Variants in MICOS10 observed in about 807,000 individuals in gnomAD.
MICOS10 encodes MICOS complex subunit MIC10.
Under a neutral mutation model 13.4 loss-of-function variants are expected in MICOS10, and 5 were observed. The observed-to-expected ratio is 0.37, with a 90% CI of 0.20 to 0.78. The LOEUF (loss-of-function observed/expected upper bound fraction) is 0.78. Among genes scored for constraint, MICOS10 ranks in the 30% least tolerant of loss-of-function variants. The pLI is 0.47. For synonymous variants in MICOS10, 35 were observed against 33.6 expected (o/e 1.04, Z -0.15); for missense variants, 101 against 94.6 (o/e 1.07, Z -0.28).
At chr1:19,597,162 A>T in intron 1 of MICOS10, 53 bp downstream of exon 1, 1 of 1,549,904 alleles carries the variant, frequency 6.5e-7, no homozygotes, top group Non-Finnish European at 8.8e-7. Context: ...TGCTGGCTCC[A>T]GGCTGCGCTG....
chr1:19,607,410 G>A (rs2100264888), intron 1 of MICOS10, among the ~76,000 whole-genome samples: 1 of 152,188 alleles, frequency 6.6e-6, no homozygotes, highest in Middle Eastern at 3.4e-3. Flanking sequence ...TGCTTTCTTT[G>A]GCAAGTGCAT....
intron 2 of MICOS10, among the ~76,000 whole-genome samples, chr1:19,623,266 A>T (rs2094910788): frequency 6.6e-6 from 1 of 152,114 alleles, no homozygotes; most frequent in Non-Finnish European, 1.5e-5. Context: ...GCACTTAACA[A>T]GTATTTGCTA....
chr1:19,597,034 C>A lies in MICOS10; in HGVS notation c.-12C>A, dbSNP rs367837871. 25 of 1,578,406 alleles carry A rather than the reference C, an allele frequency of 1.6e-5. No individual in the cohort carries two copies. The highest frequency in any genetic ancestry group is 9.5e-5 in the Admixed American group (5 of 52,402). On this transcript the variant is annotated 5_prime_UTR_variant, in exon 1 of 4. Transcript: ENST00000322753. ...CCGGCCGAGAGGAAAGCTGGAGGCG[C>A]GGGTGGGGAACATGTCTGAGTCGGA...
intron 1 of MICOS10, 131 bp downstream of exon 1, chr1:19,597,240 A>C: frequency 1.0e-6 from 1 of 969,908 alleles, no homozygotes; most frequent in Non-Finnish European, 1.5e-6. Context: ...CCCTCCGGCC[A>C]GGGCGAGCCG....
At position 19,600,400 on chromosome 1, in the gene MICOS10, G is replaced by C. The variant is rs2094809539; in HGVS notation, c.64+3291G>C. ...GTGTACGCTCTTCTATAGTGAGCGT[G>C]TTGCTTCCTGTTTTCTCTGGGTAGT... On this transcript the variant is annotated intron_variant, in intron 1 of 3. Transcript: ENST00000322753. Among the ~76,000 whole-genome samples the C allele has an allele frequency of 2.0e-5, 3 of 152,282 alleles. No homozygotes were observed. In the South Asian group the frequency reaches 6.2e-4, roughly 32 times the overall value.
Position 19,626,974 on chromosome 1 carries a change from G to A in MICOS10, c.*573G>A. ...AGGCGGTCCCACTGCTGCTGTATTA[G>A]CAGGGGAAGAATCCTGGCTGTGTGG... On this transcript the variant is annotated 3_prime_UTR_variant, in exon 4 of 4. Coordinates refer to ENST00000322753, the MANE Select transcript of MICOS10 (RefSeq NM_001032363.4). 1 of 155,648 alleles carries A rather than the reference G, an allele frequency of 6.4e-6. No individual in the cohort carries two copies. Among genetic ancestry groups the A allele is most frequent in the Admixed American group, 6.2e-5 (1 of 16,008 alleles). The allele number at this position is 155,648 out of a possible 1,614,324, so 9.6% of individuals were successfully genotyped here.
intron 1 of MICOS10, chr1:19,600,838 C>T (rs1373335128): frequency 8.1e-6 from 10 of 1,239,706 alleles, no homozygotes; most frequent in African/African-American, 1.5e-5. Flanking sequence ...AGGGTCCAAA[C>T]GATCCACCTA....
At chr1:19,597,168 C>A (rs2094795080) in intron 1 of MICOS10, 59 bp downstream of exon 1, 1 of 1,541,600 alleles carries the variant, frequency 6.5e-7, no homozygotes, top group Non-Finnish European at 8.8e-7. Context: ...CTCCAGGCTG[C>A]GCTGCCCAGG....
At chr1:19,624,843 A>G (rs2094916679) in intron 3 of MICOS10, among the ~76,000 whole-genome samples, 1 of 152,188 alleles carries the variant, frequency 6.6e-6, no homozygotes, top group South Asian at 2.1e-4. Context: ...AATGAGGTAA[A>G]TTATTCTATT....
intron 2 of MICOS10, among the ~76,000 whole-genome samples, chr1:19,623,046 C>T (rs1168654044): frequency 1.3e-5 from 2 of 151,692 alleles, no homozygotes; most frequent in Non-Finnish European, 2.9e-5. Context: ...CTCAGCCTCC[C>T]AAGTAGCTGG....
chr1:19,597,525 C>G (rs1253145955), intron 1 of MICOS10, among the ~76,000 whole-genome samples: 1 of 152,220 alleles, frequency 6.6e-6, no homozygotes, highest in Non-Finnish European at 1.5e-5. Context: ...AAAGTGCCTT[C>G]TGGAGAAGGT....
chr1:19,625,508 A>G (rs1431440656), intron 3 of MICOS10: 2 of 1,289,452 alleles, frequency 1.6e-6, no homozygotes, highest in Admixed American at 4.6e-5. Flanking sequence ...CCATGCAAGA[A>G]GAGGCGCAGC....
At chr1:19,621,297 T>C (rs1470085221) in intron 1 of MICOS10, among the ~76,000 whole-genome samples, 1 of 152,216 alleles carries the variant, frequency 6.6e-6, no homozygotes, top group Non-Finnish European at 1.5e-5. Flanking sequence ...TAACAGGCCC[T>C]TTTGGCTTTG....
At chr1:19,611,022 G>T (rs2094858568) in intron 1 of MICOS10, among the ~76,000 whole-genome samples, 1 of 151,796 alleles carries the variant, frequency 6.6e-6, no homozygotes, top group Admixed American at 6.6e-5. Flanking sequence ...CACGATCTTG[G>T]CTCACTGCCA....
At chr1:19,623,351 T>C (rs1056739498) in intron 2 of MICOS10, 123 bp from the exon 3 acceptor site, 1 of 647,338 alleles carries the variant, frequency 1.5e-6, no homozygotes, top group Non-Finnish European at 2.8e-6. Context: ...ATGGTTATTA[T>C]AGTCATTAGT....
At position 19,597,125 on chromosome 1, in the gene MICOS10, C is replaced by G; in HGVS notation, c.64+16C>G. On this transcript the variant is annotated intron_variant, in intron 1 of 3. Transcript: ENST00000322753. ...GTGAAGATAGGTAAGGGGCTTTTCG[C>G]CCCAGCAGGCCCGGCCGGTGCAGAG... 1 of 1,598,182 alleles carries G rather than the reference C, an allele frequency of 6.3e-7. No individual in the cohort carries two copies. Among genetic ancestry groups the G allele is most frequent in the Non-Finnish European group, 8.5e-7 (1 of 1,173,100 alleles).
chr1:19,608,351 G>C (rs752555640), intron 1 of MICOS10: 3 of 1,284,432 alleles, frequency 2.3e-6, no homozygotes, highest in Admixed American at 1.7e-5. Flanking sequence ...GACCACCCAG[G>C]ATGTGGCCCA....
At chr1:19,619,101 A>G (rs2094894791) in intron 1 of MICOS10, among the ~76,000 whole-genome samples, 1 of 152,248 alleles carries the variant, frequency 6.6e-6, no homozygotes, top group South Asian at 2.1e-4. Flanking sequence ...ATGATCTATT[A>G]TAGAAATATT....
In MICOS10 at chr1:19,626,709, G is replaced by C. The variant is rs2094923307; in HGVS notation, c.*308G>C. The C allele has an allele frequency of 2.9e-6, 1 of 339,732 alleles. No homozygotes were observed. Among genetic ancestry groups the C allele is most frequent in the African/African-American group, 2.1e-5 (1 of 48,126 alleles). 21.0% of individuals were successfully genotyped at this position (339,732 alleles called of 1,614,324 possible). A position where few individuals can be genotyped will look rare whatever the true frequency, so the allele number is the denominator to read the frequency against. ...TGTGTGTGAACTGCCAGCAGCTGTA[G>C]CCACCTGCTCACAGCCTCTCTGAGA... On this transcript the variant is annotated 3_prime_UTR_variant, in exon 4 of 4. Coordinates refer to ENST00000322753, the MANE Select transcript of MICOS10 (RefSeq NM_001032363.4).
Sources: allele counts gnomAD v4.1 joint callset (sites outside exome capture counted in the v4.1 genomes callset), GRCh38; gene constraint gnomAD v4.1.1; transcripts MANE v1.5; gene names NCBI Gene and HGNC (gene_info 2026-07-23, HGNC 2026-07-21).